The following CFAP47 variants were observed in gnomAD, a reference collection of about 807,000 sequenced individuals.
CFAP47 encodes cilia and flagella associated protein 47, also known as cilia- and flagella-associated protein 47.
In CFAP47, 29 loss-of-function variants were observed where a neutral mutation model predicts 148.1. The ratio of observed to expected loss-of-function variants is 0.20; its 90% CI spans 0.15 to 0.27. The LOEUF (loss-of-function observed/expected upper bound fraction) is 0.27. Among genes scored for constraint, CFAP47 ranks in the 10% least tolerant of loss-of-function variants. The pLI, the probability that CFAP47 is intolerant of heterozygous loss-of-function variation, is 1.00. For missense variants in CFAP47, 1,872 were observed against 1,697.5 expected (o/e 1.10, Z -1.81); for synonymous variants, 664 against 577.3 (o/e 1.15, Z -2.15).
At position 35,971,906 on chromosome X, in the gene CFAP47, A is replaced by C; in HGVS notation, c.2195A>C (p.Gln732Pro). Residue 732 changes from glutamine to proline, a missense_variant, in exon 13 of 64, where the codon CAA becomes CCA. Gln to Pro is a moderately conservative substitution (Grantham distance 76, BLOSUM62 -1). Coordinates refer to ENST00000378653, the MANE Select transcript of CFAP47 (RefSeq NM_001304548.2). ...KGLKSEPSTP[Q>P]EKHDCSLMLT... ...CTTAAATCAGAACCATCCACTCCAC[A>C]AGAAAAACATGATTGCAGCTTAATG... 1 of 1,202,771 alleles carries C rather than the reference A, an allele frequency of 8.3e-7. No individual in the cohort carries two copies. The highest frequency in any genetic ancestry group is 1.8e-5 in the South Asian group (1 of 55,691).
intron 7 of CFAP47, among the ~76,000 whole-genome samples, chrX:35,954,782 C>T (rs1936219691): frequency 8.9e-6 from 1 of 111,935 alleles, no homozygotes; most frequent in African/African-American, 3.2e-5. Context: ...GCTTCTATTC[C>T]ATTGTCCATT....
chrX:35,987,309 A>T (rs759784660), intron 15 of CFAP47, among the ~76,000 whole-genome samples: 1 of 111,777 alleles, frequency 8.9e-6, no homozygotes, highest in East Asian at 2.8e-4. Flanking sequence ...TGCTCGGCCC[A>T]GAGAGGAAGA....
chrX:36,135,840 G>T lies in CFAP47; in HGVS notation c.5321-2118G>T, dbSNP rs765363874. On this transcript the variant is annotated intron_variant, in intron 33 of 63. Transcript: ENST00000378653. Reference sequence around the variant, plus strand: ...TCAACCAACATATGTAAGTAATTAAGGACAAAATGCAGGCTGTGGCAAATG... The same window carrying T: ...TCAACCAACATATGTAAGTAATTAATGACAAAATGCAGGCTGTGGCAAATG... Among the ~76,000 whole-genome samples the T allele has an allele frequency of 6.3e-5, 7 of 111,713 alleles. No individual in the cohort carries two copies. In the East Asian group the frequency reaches 2.0e-3, roughly 32 times the overall value.
At position 35,971,865 on chromosome X, in the gene CFAP47, A is replaced by G; in HGVS notation, c.2158-4A>G. The G allele has an allele frequency of 8.4e-7, 1 of 1,190,639 alleles. No individual in the cohort carries two copies. The highest frequency in any genetic ancestry group is 3.0e-5 in the East Asian group (1 of 33,434). On this transcript the variant is annotated splice_region_variant and splice_polypyrimidine_tract_variant and intron_variant, in intron 12 of 63. Transcript: ENST00000378653. ...TAATTCTGGAAAAATATGATTTTTT[A>G]CAGGTTCTCAAAGGACTTAAATCAG... is the stretch of plus-strand genomic sequence containing the variant.
intron 42 of CFAP47, 122 bp from the exon 43 acceptor site, chrX:36,200,257 T>G (rs1939965523): frequency 7.1e-6 from 2 of 281,630 alleles, no homozygotes; most frequent in Non-Finnish European, 1.3e-5. Flanking sequence ...TTATAGGCTG[T>G]GTTGCTTATA....
intron 29 of CFAP47, among the ~76,000 whole-genome samples, chrX:36,078,203 T>C (rs1937902579): frequency 1.8e-5 from 2 of 111,314 alleles, no homozygotes; most frequent in African/African-American, 6.5e-5. Context: ...GAGAGTTCTG[T>C]AGATGTCTAT....
At chrX:35,931,786 G>A (rs775118124) in intron 2 of CFAP47, among the ~76,000 whole-genome samples, 2 of 111,633 alleles carry the variant, frequency 1.8e-5, no homozygotes, top group Admixed American at 1.9e-4. Context: ...TAAGTGAAGT[G>A]TAGAAGCTTC....
At chrX:36,304,470 A>C (rs909060870) in intron 54 of CFAP47, among the ~76,000 whole-genome samples, 11 of 111,832 alleles carry the variant, frequency 9.8e-5, no homozygotes, top group Non-Finnish European at 2.1e-4. Flanking sequence ...TATCATGTTA[A>C]TATAAATTTT....
chrX:36,155,666 T>C (rs1228083894), intron 37 of CFAP47, among the ~76,000 whole-genome samples: 1 of 111,684 alleles, frequency 9.0e-6, no homozygotes, highest in African/African-American at 3.3e-5. Context: ...TCTTGACATG[T>C]AAAGGCTCTA....
chrX:36,339,081 A>G (rs1556015347), intron 57 of CFAP47, among the ~76,000 whole-genome samples: 2 of 112,493 alleles, frequency 1.8e-5, no homozygotes, highest in African/African-American at 6.5e-5. Context: ...TGCACAACAC[A>G]TAAGTATTTT....
At chrX:36,030,102 C>T (rs1435560508) in intron 22 of CFAP47, among the ~76,000 whole-genome samples, 1 of 109,731 alleles carries the variant, frequency 9.1e-6, no homozygotes, top group East Asian at 2.9e-4. Flanking sequence ...TTATTAATAC[C>T]TCTCAAAAGG....
intron 16 of CFAP47, among the ~76,000 whole-genome samples, chrX:35,991,206 C>T (rs1197215204): frequency 9.0e-5 from 10 of 110,697 alleles, no homozygotes; most frequent in Non-Finnish European, 1.9e-5. Flanking sequence ...TTTATTGAGC[C>T]CCTACACTGT....
At chrX:35,948,848 G>A (rs1936124096) in intron 4 of CFAP47, among the ~76,000 whole-genome samples, 1 of 105,508 alleles carries the variant, frequency 9.5e-6, no homozygotes, top group Admixed American at 1.0e-4. Flanking sequence ...GATGGGAGTA[G>A]CATAGAGGAG....
intron 28 of CFAP47, 116 bp from the exon 29 acceptor site, chrX:36,073,023 G>A: frequency 4.2e-6 from 2 of 479,788 alleles, no homozygotes; most frequent in Non-Finnish European, 7.1e-6. Context: ...TTCTTTGAGA[G>A]CATAGAATAA....
chrX:36,193,604 G>A (rs1247138782), intron 42 of CFAP47, among the ~76,000 whole-genome samples: 1 of 110,974 alleles, frequency 9.0e-6, no homozygotes, highest in African/African-American at 3.3e-5. Context: ...GCCTATAATT[G>A]CTTTGAAGCA....
intron 33 of CFAP47, among the ~76,000 whole-genome samples, chrX:36,132,364 A>G (rs1043321857): frequency 1.8e-5 from 2 of 111,980 alleles, no homozygotes; most frequent in Admixed American, 1.9e-4. Flanking sequence ...AAAGACAACC[A>G]TTGACCAACA....
chrX:36,323,737 T>G (rs1030820408), intron 57 of CFAP47, among the ~76,000 whole-genome samples: 1 of 108,598 alleles, frequency 9.2e-6, no homozygotes, highest in Non-Finnish European at 1.9e-5. Flanking sequence ...CTCATATTAC[T>G]TTCTTTCAGA....
chrX:36,375,742 A>C (rs1238155776), intron 62 of CFAP47, among the ~76,000 whole-genome samples: 1 of 112,456 alleles, frequency 8.9e-6, no homozygotes, highest in African/African-American at 3.2e-5. Context: ...TCAGTAAATA[A>C]AAACTTTCAC....
intron 61 of CFAP47, among the ~76,000 whole-genome samples, 180 bp downstream of exon 61, chrX:36,361,681 T>A (rs1487649342): frequency 2.7e-5 from 3 of 111,872 alleles, no homozygotes; most frequent in Non-Finnish European, 5.6e-5. Flanking sequence ...AAGAATGTAG[T>A]CTAAATGGTT....
Sources: gnomAD v4.1 joint callset for allele counts (sites outside exome capture counted in the v4.1 genomes callset) on GRCh38, gnomAD v4.1.1 for gene constraint, MANE v1.5 for transcripts, NCBI Gene and HGNC (gene_info 2026-07-23, HGNC 2026-07-21) for gene names.